Variants in LRRC7 observed in about 807,000 individuals in gnomAD.
LRRC7 encodes the protein leucine-rich repeat-containing protein 7.
In LRRC7, 23 loss-of-function variants were observed where a neutral mutation model predicts 175.7. The ratio of observed to expected loss-of-function variants is 0.13; its 90% CI spans 0.09 to 0.19. The LOEUF (loss-of-function observed/expected upper bound fraction) is 0.19, where lower values mean the gene tolerates loss of function less well. Among genes scored for constraint, LRRC7 ranks in the 10% least tolerant of loss-of-function variants. The pLI is 1.00. For missense variants in LRRC7, 1,354 were observed against 1,904.7 expected (o/e 0.71, Z 5.38); for synonymous variants, 685 against 680.9 (o/e 1.01, Z -0.09).
intron 11 of LRRC7, among the ~76,000 whole-genome samples, chr1:69,995,900 G>T (rs1486682516): frequency 4.7e-5 from 7 of 150,138 alleles, no homozygotes; most frequent in South Asian, 4.3e-4. Context: ...ATGATTTATA[G>T]TCCTTTGGGT....
intron 7 of LRRC7, among the ~76,000 whole-genome samples, chr1:69,857,805 C>A (rs1272714298): frequency 6.6e-6 from 1 of 152,170 alleles, no homozygotes; most frequent in Non-Finnish European, 1.5e-5. Flanking sequence ...ATTGCCAAGA[C>A]AATCCTAAGC....
chr1:69,643,448 C>G lies in LRRC7; in HGVS notation c.3-34933C>G, dbSNP rs556316576. On this transcript the variant is annotated intron_variant, in intron 1 of 26. Coordinates refer to ENST00000651989, the MANE Select transcript of LRRC7 (RefSeq NM_001370785.2). ...CAGCCAATATCACATGAGGGCCCAACAAAACAACTCTTTTCTCCAAAAACA... is the reference window on the plus strand; with the variant it reads ...CAGCCAATATCACATGAGGGCCCAAGAAAACAACTCTTTTCTCCAAAAACA... Among the ~76,000 whole-genome samples the G allele has an allele frequency of 5.3e-4, 80 of 152,228 alleles. No homozygotes were observed. The South Asian group carries it at 0.011, about 22-fold the overall frequency.
chr1:69,581,609 G>GC (rs1425573958), intron 1 of LRRC7, among the ~76,000 whole-genome samples: 6 of 152,082 alleles, frequency 3.9e-5, no homozygotes, highest in African/African-American at 1.4e-4. Flanking sequence ...TATTGAAGAA[G>GC]CATCAACTTG....
At chr1:69,875,174 T>C (rs1302322550) in intron 7 of LRRC7, among the ~76,000 whole-genome samples, 1 of 152,080 alleles carries the variant, frequency 6.6e-6, no homozygotes, top group Non-Finnish European at 1.5e-5. Context: ...GCTTTAAAGA[T>C]TAAAGAAACA....
chr1:69,750,811 A>G (rs186519470), intron 2 of LRRC7, among the ~76,000 whole-genome samples: 1 of 152,222 alleles, frequency 6.6e-6, no homozygotes, highest in East Asian at 1.9e-4. Flanking sequence ...TAATCCATTC[A>G]TGAGGGCGGG....
chr1:69,755,307 T>C (rs1670286069), intron 2 of LRRC7, among the ~76,000 whole-genome samples: 1 of 151,182 alleles, frequency 6.6e-6, no homozygotes, highest in South Asian at 2.1e-4. Context: ...ATTCTTGTAA[T>C]GAAGACTCCA....
intron 1 of LRRC7, among the ~76,000 whole-genome samples, chr1:69,641,975 TTAGAG>T (rs1266847894): frequency 6.6e-6 from 1 of 151,882 alleles, no homozygotes; most frequent in Non-Finnish European, 1.5e-5. Flanking sequence ...AAGCTAGCTG[TTAGAG>T]CTTCATGGTT....
At chr1:69,820,133 A>T (rs72675073) in intron 4 of LRRC7, among the ~76,000 whole-genome samples, 2 of 150,732 alleles carry the variant, frequency 1.3e-5, no homozygotes, top group African/African-American at 4.9e-5. Context: ...TTCCTTTGTG[A>T]TTTAATTTTA....
At chr1:69,993,471 C>G (rs1027979421) in intron 10 of LRRC7, among the ~76,000 whole-genome samples, 1 of 152,126 alleles carries the variant, frequency 6.6e-6, no homozygotes, top group South Asian at 2.1e-4. Context: ...TGGGCATGAT[C>G]TATAGCCAGT....
intron 1 of LRRC7, among the ~76,000 whole-genome samples, chr1:69,631,439 TA>T (rs1162969681): frequency 6.6e-6 from 1 of 152,102 alleles, no homozygotes; most frequent in African/African-American, 2.4e-5. Flanking sequence ...CCTCATTTTT[TA>T]AAACTCTGAC....
chr1:69,915,728 C>G (rs1000790290), intron 7 of LRRC7, among the ~76,000 whole-genome samples: 7 of 151,950 alleles, frequency 4.6e-5, no homozygotes, highest in Non-Finnish European at 8.8e-5. Flanking sequence ...AAAACACTTT[C>G]TTAGACGATC....
At chr1:69,981,578 C>T (rs56106183) in intron 9 of LRRC7, among the ~76,000 whole-genome samples, 25,464 of 152,000 alleles carry the variant, frequency 0.17, 3,508 homozygotes, top group African/African-American at 0.39. Flanking sequence ...AAAGATAATA[C>T]ATTCAATGAC....
intron 3 of LRRC7, among the ~76,000 whole-genome samples, chr1:69,784,822 T>C (rs966872761): frequency 6.6e-6 from 1 of 152,206 alleles, no homozygotes; most frequent in Admixed American, 6.5e-5. Context: ...GCATGAGTTA[T>C]TAAATTTTAG....
chr1:69,932,185 C>T (rs550820423), intron 8 of LRRC7, among the ~76,000 whole-genome samples: 9 of 152,314 alleles, frequency 5.9e-5, no homozygotes, highest in African/African-American at 1.9e-4. Context: ...TACTTCTTTA[C>T]AAGACGGCTC....
At chr1:69,576,728 T>C (rs1389957424) in intron 1 of LRRC7, among the ~76,000 whole-genome samples, 2 of 152,186 alleles carry the variant, frequency 1.3e-5, no homozygotes, top group Non-Finnish European at 2.9e-5. Context: ...ATTTGTAAAA[T>C]GGTTCTTATT....
intron 2 of LRRC7, among the ~76,000 whole-genome samples, chr1:69,718,972 A>G (rs534748228): frequency 2.0e-5 from 3 of 151,816 alleles, no homozygotes; most frequent in Non-Finnish European, 4.4e-5. Context: ...TCTCTTTCCT[A>G]TATCAATCCC....
intron 7 of LRRC7, chr1:69,919,793 A>T: frequency 1.2e-6 from 1 of 846,360 alleles, no homozygotes; most frequent in Non-Finnish European, 2.0e-6. Flanking sequence ...GATGAGCGGG[A>T]CAGTGTTCAC....
chr1:70,054,335 G>A lies in LRRC7; in HGVS notation c.4230+1190G>A, dbSNP rs79583083. 5.1e-3 allele frequency among the ~76,000 whole-genome samples: 781 copies of A among 152,152 alleles called. 3 individuals are homozygous for A. Among genetic ancestry groups the A allele is most frequent in the Non-Finnish European group, 8.3e-3 (567 of 67,990 alleles). On this transcript the variant is annotated intron_variant, in intron 23 of 26. Transcript: ENST00000651989. ...AAACATAATTTGAATGGAAGAAAAA[G>A]TTTCTGGAAATGGCATACATATGTA...
At chr1:69,937,489 C>T (rs1371362489) in intron 8 of LRRC7, among the ~76,000 whole-genome samples, 1 of 151,986 alleles carries the variant, frequency 6.6e-6, no homozygotes, top group African/African-American at 2.4e-5. Context: ...TTCTGAAATA[C>T]ATACATGGTT....
Sources: allele counts gnomAD v4.1 joint callset (sites outside exome capture counted in the v4.1 genomes callset), GRCh38; gene constraint gnomAD v4.1.1; transcripts MANE v1.5; gene names NCBI Gene and HGNC (gene_info 2026-07-23, HGNC 2026-07-21).